SPAG17: variants seen among roughly 807,000 people sequenced by gnomAD.
The protein encoded by SPAG17 is sperm associated antigen 17, also known as sperm-associated antigen 17.
In SPAG17, 169 loss-of-function variants were observed where a neutral mutation model predicts 273.6. The ratio of observed to expected loss-of-function variants is 0.62; its 90% CI spans 0.55 to 0.70. The LOEUF is 0.70. Among genes scored for constraint, SPAG17 ranks in the 30% least tolerant of loss-of-function variants. SPAG17 has a pLI of 0.00. For synonymous variants in SPAG17, 825 were observed against 873.2 expected (o/e 0.94, Z 0.97); for missense variants, 2,557 against 2,627.8 (o/e 0.97, Z 0.59).
chr1:118,038,709 T>C (rs1178276441), intron 23 of SPAG17, among the ~76,000 whole-genome samples: 1 of 152,078 alleles, frequency 6.6e-6, no homozygotes, highest in Non-Finnish European at 1.5e-5. Flanking sequence ...CTACATGCTA[T>C]TATGGAGAAA....
rs550235175 is a variant in SPAG17 at position 118,030,042 on chromosome 1, A to C, written c.3610-1648T>G. Among the ~76,000 whole-genome samples, 84 of 152,330 alleles carry C rather than the reference A, an allele frequency of 5.5e-4. 1 individual carries two copies. In the South Asian group the frequency reaches 9.7e-3, roughly 18 times the overall value. ...CATCCTCACCCTTCCATTATCATTTATTTTAAAAATGTTAAGTGAACAAAT... is the reference window on the plus strand; with the variant it reads ...CATCCTCACCCTTCCATTATCATTTCTTTTAAAAATGTTAAGTGAACAAAT... On this transcript the variant is annotated intron_variant, in intron 25 of 48. Coordinates refer to ENST00000336338, the MANE Select transcript of SPAG17 (RefSeq NM_206996.4).
intron 32 of SPAG17, among the ~76,000 whole-genome samples, chr1:117,999,806 G>A (rs1335656810): frequency 1.3e-5 from 2 of 152,118 alleles, no homozygotes; most frequent in East Asian, 1.9e-4. Flanking sequence ...TTCTTTTGCC[G>A]TACAGCAGCT....
chr1:118,051,542 G>GACACACAC (rs2101979598), intron 20 of SPAG17, among the ~76,000 whole-genome samples: 1 of 75,886 alleles, frequency 1.3e-5, no homozygotes, highest in South Asian at 4.1e-4. Flanking sequence ...GAAAATTTGA[G>GACACACAC]ATACACACAC....
chr1:117,981,902 C>T lies in SPAG17; in HGVS notation c.5873-501G>A, dbSNP rs78818824. 3.4e-3 allele frequency among the ~76,000 whole-genome samples: 514 copies of T among 152,330 alleles called. 15 individuals are homozygous for T. In the East Asian group the frequency reaches 0.073, roughly 22 times the overall value. Reference sequence around the variant, plus strand: ...TTATCTAGGATTGAGGAGGCAAATACATTTCAGTTTGTGTGTGTGCCAACC... The same window carrying T: ...TTATCTAGGATTGAGGAGGCAAATATATTTCAGTTTGTGTGTGTGCCAACC... On this transcript the variant is annotated intron_variant, in intron 42 of 48. Transcript: ENST00000336338.
chr1:118,073,084 G>A (rs1440726166), intron 17 of SPAG17, among the ~76,000 whole-genome samples: 1 of 151,962 alleles, frequency 6.6e-6, no homozygotes, highest in Non-Finnish European at 1.5e-5. Context: ...CTTAAAAAAC[G>A]TTGTAAAACT....
chr1:117,989,362 T>G (rs540669630), intron 38 of SPAG17, among the ~76,000 whole-genome samples: 4 of 152,104 alleles, frequency 2.6e-5, no homozygotes, highest in East Asian at 1.9e-4. Context: ...GGAGCCGGCA[T>G]GTATAGAGAT....
intron 3 of SPAG17, among the ~76,000 whole-genome samples, chr1:118,124,673 A>C (rs182604816): frequency 1.1e-3 from 170 of 152,346 alleles, no homozygotes; most frequent in African/African-American, 3.2e-3. Context: ...GGACCGTTCC[A>C]GGCACTTCAC....
chr1:118,160,933 A>G (rs542965234), intron 1 of SPAG17, among the ~76,000 whole-genome samples: 2 of 152,300 alleles, frequency 1.3e-5, no homozygotes, highest in South Asian at 2.1e-4. Flanking sequence ...AATTTCTCCA[A>G]TAACTCCCTA....
At chr1:117,960,873 G>A (rs1025653970) in intron 48 of SPAG17, 2 of 152,164 alleles carry the variant, frequency 1.3e-5, no homozygotes, top group African/African-American at 2.4e-5. Flanking sequence ...TGATAAAATA[G>A]TCTAGTATCT....
intron 40 of SPAG17, among the ~76,000 whole-genome samples, chr1:117,987,169 C>T (rs748792800): frequency 7.2e-5 from 11 of 152,206 alleles, no homozygotes; most frequent in Admixed American, 1.3e-4. Flanking sequence ...TGTCATGTCA[C>T]GCAAAACTTA....
chr1:118,067,443 C>T (rs1172593050), intron 17 of SPAG17, among the ~76,000 whole-genome samples: 11 of 152,110 alleles, frequency 7.2e-5, no homozygotes, highest in African/African-American at 2.4e-4. Flanking sequence ...CAGCAGATAA[C>T]CTGCTCTCCC....
At chr1:118,069,961 T>A (rs933450498) in intron 17 of SPAG17, among the ~76,000 whole-genome samples, 6 of 152,310 alleles carry the variant, frequency 3.9e-5, no homozygotes, top group Non-Finnish European at 8.8e-5. Context: ...CAAAGATTAT[T>A]GATTACCTTG....
intron 3 of SPAG17, among the ~76,000 whole-genome samples, chr1:118,131,609 A>G (rs1658055142): frequency 6.6e-6 from 1 of 152,230 alleles, no homozygotes; most frequent in African/African-American, 2.4e-5. Context: ...GTAGATGATT[A>G]GATAATTTTT....
At chr1:118,087,088 C>T (rs946329201) in intron 10 of SPAG17, 80 bp from the exon 11 acceptor site, 10 of 1,461,502 alleles carry the variant, frequency 6.8e-6, no homozygotes, top group Non-Finnish European at 9.1e-6. Context: ...TGCATTCCCA[C>T]TGCTTAGTAA....
intron 34 of SPAG17, among the ~76,000 whole-genome samples, chr1:117,996,135 A>G (rs925415724): frequency 1.3e-5 from 2 of 152,154 alleles, no homozygotes; most frequent in African/African-American, 4.8e-5. Context: ...ATACATACTC[A>G]GCGTATGCAG....
chr1:118,136,625 C>T (rs537573127), intron 3 of SPAG17, among the ~76,000 whole-genome samples: 48 of 152,256 alleles, frequency 3.2e-4, no homozygotes, highest in East Asian at 9.6e-4. Context: ...ACACACAGGG[C>T]GGGCCTGCAT....
chr1:118,061,695 T>C (rs2102030562), intron 18 of SPAG17, among the ~76,000 whole-genome samples: 1 of 152,352 alleles, frequency 6.6e-6, no homozygotes, highest in Middle Eastern at 3.4e-3. Context: ...GTTTAGTACC[T>C]TGGTTGTGGT....
chr1:118,145,967 C>T (rs367647755), intron 3 of SPAG17, among the ~76,000 whole-genome samples: 1 of 150,410 alleles, frequency 6.6e-6, no homozygotes, highest in African/African-American at 2.5e-5. Flanking sequence ...ACATAAATCA[C>T]GGCCCATTTG....
chr1:118,174,750 T>C (rs527963471), intron 1 of SPAG17, among the ~76,000 whole-genome samples: 5 of 152,280 alleles, frequency 3.3e-5, no homozygotes, highest in African/African-American at 1.2e-4. Context: ...AGGGATTATC[T>C]ATAAGATTAT....
Sources: gnomAD v4.1 joint callset for allele counts (sites outside exome capture counted in the v4.1 genomes callset) on GRCh38, gnomAD v4.1.1 for gene constraint, MANE v1.5 for transcripts, NCBI Gene and HGNC (gene_info 2026-07-23, HGNC 2026-07-21) for gene names.